Variants in DLGAP2 observed in about 807,000 individuals in gnomAD.
DLGAP2 encodes disks large-associated protein 2.
DLGAP2 carries 26 observed loss-of-function variants against 100.3 expected under a neutral mutation model. The observed-to-expected ratio is 0.26, with a 90% CI of 0.19 to 0.36. DLGAP2 has a LOEUF of 0.36. Ranked by LOEUF, DLGAP2 falls within the 10% of genes least tolerant of loss-of-function variation. The pLI is 1.00. For missense variants in DLGAP2, 1,858 were observed against 1,453.2 expected (o/e 1.28, Z -4.53); for synonymous variants, 886 against 630.1 (o/e 1.41, Z -6.08).
chr8:778,251 A>T (rs1165816210), intron 1 of DLGAP2, among the ~76,000 whole-genome samples: 3 of 151,682 alleles, frequency 2.0e-5, no homozygotes, highest in African/African-American at 7.3e-5. Context: ...ATTCTTCTAA[A>T]TTTTTTTCAA....
chr8:1,331,681 C>T (rs185363122), intron 3 of DLGAP2, among the ~76,000 whole-genome samples: 4 of 152,254 alleles, frequency 2.6e-5, no homozygotes, highest in African/African-American at 7.2e-5. Flanking sequence ...GTAAAAATAT[C>T]CCGGATGTGA....
At chr8:764,722 GGAATGACT>G (rs1208342356) in intron 1 of DLGAP2, among the ~76,000 whole-genome samples, 1 of 152,198 alleles carries the variant, frequency 6.6e-6, no homozygotes, top group Non-Finnish European at 1.5e-5. Flanking sequence ...TTGTAGTAGA[GGAATGACT>G]TGTGCCGTCT....
At chr8:938,488 G>A (rs1479512122) in intron 2 of DLGAP2, among the ~76,000 whole-genome samples, 1 of 152,226 alleles carries the variant, frequency 6.6e-6, no homozygotes, top group Non-Finnish European at 1.5e-5. Context: ...TGAGCAGGCT[G>A]TAGTGGATGC....
intron 13 of DLGAP2, among the ~76,000 whole-genome samples, chr8:1,696,011 G>A (rs1055318922): frequency 6.6e-6 from 1 of 152,212 alleles, no homozygotes; most frequent in Non-Finnish European, 1.5e-5. Context: ...AGGGCAGCTG[G>A]GGGCCCCAGG....
intron 1 of DLGAP2, among the ~76,000 whole-genome samples, chr8:798,506 C>A (rs6559183): frequency 3.6e-4 from 33 of 90,442 alleles, no homozygotes; most frequent in South Asian, 2.0e-3. Context: ...TGAAAGCAAA[C>A]GCTTGTTGCG....
intron 2 of DLGAP2, among the ~76,000 whole-genome samples, chr8:1,163,849 C>T (rs924102875): frequency 5.9e-5 from 9 of 152,330 alleles, no homozygotes; most frequent in African/African-American, 7.2e-5. Context: ...AGGAGCTCTG[C>T]TCAGCACTGC....
At chr8:1,351,712 A>G (rs144606178) in intron 3 of DLGAP2, among the ~76,000 whole-genome samples, 22,525 of 25,636 alleles carry the variant, frequency 0.88, 10,272 homozygotes, top group African/African-American at 0.96. Context: ...TGGAAAGGCC[A>G]TGCGGGTCCT....
chr8:1,154,472 G>T (rs1796745881), intron 2 of DLGAP2, among the ~76,000 whole-genome samples: 1 of 152,178 alleles, frequency 6.6e-6, no homozygotes, highest in Admixed American at 6.5e-5. Flanking sequence ...GCATATTAAT[G>T]ATTTCCCTTA....
intron 2 of DLGAP2, among the ~76,000 whole-genome samples, chr8:1,202,513 A>T (rs1312762418): frequency 6.6e-6 from 1 of 152,164 alleles, no homozygotes; most frequent in East Asian, 1.9e-4. Context: ...GACATACAAA[A>T]ACATGTTTTA....
intron 3 of DLGAP2, among the ~76,000 whole-genome samples, chr8:1,276,958 C>G (rs1799710637): frequency 6.6e-6 from 1 of 152,230 alleles, no homozygotes; most frequent in Non-Finnish European, 1.5e-5. Context: ...ACATATGTTC[C>G]TAAATATCAT....
rs185473603 is a variant in DLGAP2 at position 1,614,815 on chromosome 8, G to A, written c.1443-11925G>A. ...CTCATACAGATGACAGCCATGAACT[G>A]TGGAGCCCACACACACATGCATTGC... is the stretch of plus-strand genomic sequence containing the variant. On this transcript the variant is annotated intron_variant, in intron 6 of 14. Transcript: ENST00000637795. 1.1e-3 allele frequency among the ~76,000 whole-genome samples: 161 copies of A among 152,318 alleles called. 1 individual carries two copies. Among genetic ancestry groups the A allele is most frequent in the Non-Finnish European group, 1.9e-3 (131 of 68,030 alleles).
At chr8:946,332 G>A (rs927664103) in intron 2 of DLGAP2, among the ~76,000 whole-genome samples, 8 of 150,008 alleles carry the variant, frequency 5.3e-5, no homozygotes, top group Admixed American at 5.3e-4. Flanking sequence ...GGTGCGATCT[G>A]GGCTCATTGC....
chr8:1,222,544 C>T (rs764020983), intron 2 of DLGAP2, among the ~76,000 whole-genome samples: 26 of 151,730 alleles, frequency 1.7e-4, no homozygotes, highest in Non-Finnish European at 2.2e-4. Flanking sequence ...ATGGTAAGTA[C>T]GTAAGTGCAC....
chr8:1,387,087 G>A (rs576738534), intron 3 of DLGAP2, among the ~76,000 whole-genome samples: 34 of 152,272 alleles, frequency 2.2e-4, no homozygotes, highest in African/African-American at 7.9e-4. Context: ...TGCGGGTGTG[G>A]TCGAAAAGCT....
At chr8:1,233,399 G>A (rs1172171127) in intron 2 of DLGAP2, among the ~76,000 whole-genome samples, 1 of 152,218 alleles carries the variant, frequency 6.6e-6, no homozygotes. Context: ...AACCTCCTGG[G>A]AGCAAGGGCG....
At chr8:1,684,469 A>C (rs1167207788) in intron 12 of DLGAP2, among the ~76,000 whole-genome samples, 1 of 152,076 alleles carries the variant, frequency 6.6e-6, no homozygotes, top group East Asian at 1.9e-4. Context: ...GATTAAATTA[A>C]ATGTCTTATG....
At chr8:1,477,694 A>C (rs1446469935) in intron 3 of DLGAP2, among the ~76,000 whole-genome samples, 2 of 152,090 alleles carry the variant, frequency 1.3e-5, no homozygotes, top group Non-Finnish European at 2.9e-5. Context: ...TACTTCCCTG[A>C]CATTTATTTT....
chr8:945,402 T>C (rs1799293773), intron 2 of DLGAP2, among the ~76,000 whole-genome samples: 1 of 152,170 alleles, frequency 6.6e-6, no homozygotes, highest in South Asian at 2.1e-4. Flanking sequence ...GACATGTTGT[T>C]TGACCTTGAA....
intron 4 of DLGAP2, among the ~76,000 whole-genome samples, chr8:1,520,970 G>A (rs908550218): frequency 1.3e-5 from 2 of 152,210 alleles, no homozygotes; most frequent in Admixed American, 1.3e-4. Flanking sequence ...GCACTCCCAC[G>A]GGTAATGAAA....
Sources: gnomAD v4.1 joint callset for allele counts (sites outside exome capture counted in the v4.1 genomes callset) on GRCh38, gnomAD v4.1.1 for gene constraint, MANE v1.5 for transcripts, NCBI Gene and HGNC (gene_info 2026-07-23, HGNC 2026-07-21) for gene names.